Variants in ASTN2 observed in about 807,000 individuals in gnomAD.
ASTN2 encodes astrotactin 2.
ASTN2 carries 54 observed loss-of-function variants against 139.8 expected under a neutral mutation model. That is an observed-to-expected ratio of 0.39 (90% CI 0.31 to 0.48). The LOEUF is 0.48. Among genes scored for constraint, ASTN2 ranks in the 20% least tolerant of loss-of-function variants. ASTN2 has a pLI of 0.95. For synonymous variants in ASTN2, 756 were observed against 719.5 expected (o/e 1.05, Z -0.81); for missense variants, 1,565 against 1,725.1 (o/e 0.91, Z 1.64).
At chr9:116,731,969 C>T (rs1289769814) in intron 14 of ASTN2, among the ~76,000 whole-genome samples, 4 of 152,100 alleles carry the variant, frequency 2.6e-5, no homozygotes, top group Admixed American at 2.0e-4. Context: ...AGACTAGACA[C>T]CTTTTGCAGT....
At chr9:116,801,390 G>T (rs148848997) in intron 13 of ASTN2, among the ~76,000 whole-genome samples, 1 of 151,800 alleles carries the variant, frequency 6.6e-6, no homozygotes, top group Admixed American at 6.6e-5. Flanking sequence ...AGACCAGTCT[G>T]GCTAACACAG....
chr9:117,184,176 G>GCACAGCCCAGGCT (rs1831142220), intron 3 of ASTN2, among the ~76,000 whole-genome samples: 1 of 152,140 alleles, frequency 6.6e-6, no homozygotes, highest in African/African-American at 2.4e-5. Flanking sequence ...CACGCTGAAG[G>GCACAGCCCAGGCT]CACAGCCCAG....
At position 116,698,105 on chromosome 9, in the gene ASTN2, G is replaced by A. The variant is rs1466279307; in HGVS notation, c.2806+27666C>T. The A allele has an allele frequency of 1.9e-6, 3 of 1,614,118 alleles. No homozygotes were observed. On this transcript the variant is annotated intron_variant, in intron 16 of 22. Coordinates refer to ENST00000313400, the MANE Select transcript of ASTN2 (RefSeq NM_001365068.1). This position sits in a 1 kb window ranked among gnomAD's most constrained non-coding sequence, Gnocchi z 4.4. ...GGAGCTGTGGTTTGGTGTTATGTGA[G>A]CCCTGCCGGGAGGCAGACCATCAGC...
intron 10 of ASTN2, among the ~76,000 whole-genome samples, chr9:116,974,687 T>C (rs1421078005): frequency 6.6e-6 from 1 of 152,042 alleles, no homozygotes; most frequent in Non-Finnish European, 1.5e-5. Flanking sequence ...TTTTGTATTT[T>C]TAGTACAGAC....
chr9:117,060,472 G>A lies in ASTN2; in HGVS notation c.1277-20507C>T, dbSNP rs1313287979. On this transcript the variant is annotated intron_variant, in intron 5 of 22. Transcript: ENST00000313400. ...AGAAAGAAAGAAAGGAAGGAAGGAA[G>A]GAAGGAAGGAAGGAATGAAAGAAAG... Among the ~76,000 whole-genome samples, 251 of 91,810 alleles carry A rather than the reference G, an allele frequency of 2.7e-3. 18 individuals are homozygous for A. The highest frequency in any genetic ancestry group is 0.011 in the East Asian group (30 of 2,772). 60.2% of individuals were successfully genotyped at this position (91,810 alleles called of 152,430 possible). A position where few individuals can be genotyped will look rare whatever the true frequency, so the allele number is the denominator to read the frequency against.
chr9:116,588,367 G>C (rs1300203836), intron 19 of ASTN2, among the ~76,000 whole-genome samples: 1 of 152,162 alleles, frequency 6.6e-6, no homozygotes, highest in African/African-American at 2.4e-5. Context: ...TTACAAAATG[G>C]AGCAGATTGA....
chr9:116,815,439 T>C (rs1831284369), intron 12 of ASTN2, among the ~76,000 whole-genome samples: 1 of 152,104 alleles, frequency 6.6e-6, no homozygotes, highest in Non-Finnish European at 1.5e-5. Flanking sequence ...ACCTCCTAAC[T>C]GGCCGTGAGT....
intron 5 of ASTN2, among the ~76,000 whole-genome samples, chr9:117,086,239 T>C (rs961222979): frequency 6.6e-6 from 1 of 152,160 alleles, no homozygotes; most frequent in African/African-American, 2.4e-5. Flanking sequence ...CCCAAAGCCT[T>C]GCTCAAAGCC....
At chr9:116,632,182 G>GAC (rs1856798010) in intron 17 of ASTN2, among the ~76,000 whole-genome samples, 2 of 15,898 alleles carry the variant, frequency 1.3e-4, no homozygotes, top group African/African-American at 3.0e-4. Context: ...GAGAGAGAGA[G>GAC]AGGGAGAGAG....
chr9:117,115,552 T>G (rs1418334563), intron 4 of ASTN2, among the ~76,000 whole-genome samples: 4 of 152,000 alleles, frequency 2.6e-5, no homozygotes, highest in Non-Finnish European at 5.9e-5. Context: ...AAATATCTAT[T>G]CTATACTATG....
intron 19 of ASTN2, among the ~76,000 whole-genome samples, chr9:116,594,311 G>A (rs1171031656): frequency 1.3e-5 from 2 of 152,054 alleles, no homozygotes; most frequent in Non-Finnish European, 2.9e-5. Flanking sequence ...CTCTGTTTTA[G>A]GGTTATCAAA....
At chr9:116,664,867 T>C (rs1457259438) in intron 16 of ASTN2, among the ~76,000 whole-genome samples, 1 of 152,172 alleles carries the variant, frequency 6.6e-6, no homozygotes, top group Non-Finnish European at 1.5e-5. Flanking sequence ...ATAGCTTGGA[T>C]GTTTGTCCCC....
chr9:116,503,015 A>G, intron 19 of ASTN2, among the ~76,000 whole-genome samples: 1 of 147,122 alleles, frequency 6.8e-6, no homozygotes, highest in Admixed American at 6.7e-5. Flanking sequence ...AAGGAAGATG[A>G]AAGGAAAGAA....
chr9:116,618,538 G>C, intron 18 of ASTN2, 66 bp from the exon 19 acceptor site: 2 of 1,513,008 alleles, frequency 1.3e-6, no homozygotes, highest in Non-Finnish European at 1.8e-6. Context: ...AAAAGAATCC[G>C]CATGTGTCAA....
chr9:116,708,702 G>A lies in ASTN2; in HGVS notation c.2806+17069C>T, dbSNP rs755093467. ...ATAAATTCCTGAAAGCTATTTAGCT[G>A]AGGGCCATTCTATCCCTGACACTTG... On this transcript the variant is annotated intron_variant, in intron 16 of 22. Coordinates refer to ENST00000313400, the MANE Select transcript of ASTN2 (RefSeq NM_001365068.1). 6.4e-4 allele frequency among the ~76,000 whole-genome samples: 98 copies of A among 152,216 alleles called. 3 individuals carry two copies. Among genetic ancestry groups the A allele is most frequent in the Admixed American group, 1.3e-4 (2 of 15,282 alleles).
chr9:117,385,871 A>T (rs1454869659), intron 1 of ASTN2, among the ~76,000 whole-genome samples: 1 of 152,224 alleles, frequency 6.6e-6, no homozygotes, highest in African/African-American at 2.4e-5. Flanking sequence ...GTTATATTTC[A>T]TGATCAAAAG....
chr9:117,233,774 A>C (rs185773736), intron 2 of ASTN2, among the ~76,000 whole-genome samples: 4 of 152,346 alleles, frequency 2.6e-5, no homozygotes, highest in Admixed American at 1.3e-4. Context: ...CCAAGGAAGA[A>C]AGCAGTTTTG....
At chr9:117,041,134 C>T (rs777694994) in intron 5 of ASTN2, among the ~76,000 whole-genome samples, 8 of 152,112 alleles carry the variant, frequency 5.3e-5, no homozygotes, top group South Asian at 2.1e-4. Context: ...CACAGCTAGA[C>T]GACACTGGGC....
At position 116,954,928 on chromosome 9, in the gene ASTN2, T is replaced by C. The variant is rs1046515259; in HGVS notation, c.1889+20280A>G. Among the ~76,000 whole-genome samples the C allele has an allele frequency of 3.3e-5, 5 of 152,358 alleles. No individual in the cohort carries two copies. In the South Asian group the frequency reaches 1.0e-3, roughly 32 times the overall value. On this transcript the variant is annotated intron_variant, in intron 10 of 22. Coordinates refer to ENST00000313400, the MANE Select transcript of ASTN2 (RefSeq NM_001365068.1). ...ACCTGGAGGTGAGCCCAGCAATCTG[T>C]AGTTTAAAAAGCCCTCCAAGTAATG...
Sources: gnomAD v4.1 joint callset for allele counts (sites outside exome capture counted in the v4.1 genomes callset) on GRCh38, gnomAD v4.1.1 for gene constraint, Gnocchi (gnomAD v3.1) non-coding constraint, MANE v1.5 for transcripts, NCBI Gene and HGNC (gene_info 2026-07-23, HGNC 2026-07-21) for gene names.